Variants in SLC27A4 observed in about 807,000 individuals in gnomAD.
SLC27A4 encodes solute carrier family 27 member 4, also known as long-chain fatty acid transport protein 4.
SLC27A4 carries 33 observed loss-of-function variants against 64.4 expected under a neutral mutation model. The observed-to-expected ratio is 0.51, with a 90% confidence interval of 0.39 to 0.68. The LOEUF is 0.68. Ranked by LOEUF, SLC27A4 falls within the 30% of genes least tolerant of loss-of-function variation. SLC27A4 has a pLI of 0.00. For synonymous variants in SLC27A4, 377 were observed against 370.0 expected, an observed-to-expected ratio of 1.02 and a Z score of -0.22; for missense variants, 824 against 883.5, an observed-to-expected ratio of 0.93 and a Z score of 0.85.
At chr9:128,346,469 C>G (rs904189601) in intron 3 of SLC27A4, among the ~76,000 whole-genome samples, 2 of 146,808 alleles carry the variant, frequency 1.4e-5, no homozygotes, top group Admixed American at 6.9e-5. Context: ...TCCCTGACCT[C>G]GTGATCCACC....
chr9:128,354,790 AT>A, intron 9 of SLC27A4, among the ~76,000 whole-genome samples: 1 of 128,416 alleles, frequency 7.8e-6, no homozygotes, highest in East Asian at 2.0e-4. Flanking sequence ...TTACTAAAAA[AT>A]AAAAAAAAAA....
At chr9:128,350,943 A>G (rs1047198412) in intron 6 of SLC27A4, among the ~76,000 whole-genome samples, 1 of 152,164 alleles carries the variant, frequency 6.6e-6, no homozygotes, top group Admixed American at 6.5e-5. Context: ...AGTACAAAAA[A>G]TTAGCCAGGT....
At chr9:128,348,047 G>A (rs554008646) in intron 3 of SLC27A4, among the ~76,000 whole-genome samples, 2 of 152,272 alleles carry the variant, frequency 1.3e-5, no homozygotes, top group East Asian at 3.9e-4. Context: ...TGTGATGTCC[G>A]TGCAGTGCGC....
At chr9:128,354,974 A>AAT in intron 9 of SLC27A4, 79 bp from the exon 10 acceptor site, 1 of 1,224,348 alleles carries the variant, frequency 8.2e-7, no homozygotes, top group Non-Finnish European at 1.1e-6. Flanking sequence ...AAAAAAAAAA[A>AAT]GACGCAGGGT....
Position 128,343,356 on chromosome 9 carries a change from A to G in SLC27A4, c.161+63A>G, listed in dbSNP as rs1480465482. The G allele has an allele frequency of 1.3e-5, 20 of 1,595,212 alleles. 1 individual carries two copies. Among genetic ancestry groups the G allele is most frequent in the Admixed American group, 6.7e-5 (4 of 59,788 alleles). ...ACTACAGTGAGCTTCTGGTCCCCCA[A>G]ATCTCCCCAGGCCAGACCTCATGTT... On this transcript the variant is annotated intron_variant, in intron 2 of 12. Transcript: ENST00000300456.
chr9:128,355,074 G>T lies in SLC27A4; in HGVS notation c.1346G>T (p.Gly449Val), dbSNP rs756038092. Residue 449 changes from glycine (G) to valine (V), a missense_variant, in exon 10 of 13, where the codon GGC (glycine) becomes GTC (valine). Gly to Val is a moderately radical substitution (Grantham distance 109). Transcript: ENST00000300456. Reference sequence around the variant, plus strand: ...CCAGGTGAGCCGGGCCAGCTGGTGGGCCGCATCATCCAGAAAGACCCCCTG... The same window carrying T: ...CCAGGTGAGCCGGGCCAGCTGGTGGTCCGCATCATCCAGAAAGACCCCCTG... The part of the protein sequence containing the change: ...CQPGEPGQLV[G>V]RIIQKDPLRR... The T allele has an allele frequency of 2.5e-6, 4 of 1,610,960 alleles. No individual in the cohort carries two copies. The highest frequency in any genetic ancestry group is 3.4e-6 in the Non-Finnish European group (4 of 1,178,838).
intron 12 of SLC27A4, among the ~76,000 whole-genome samples, chr9:128,359,157 G>T (rs1832862739): frequency 1.3e-5 from 2 of 152,194 alleles, no homozygotes; most frequent in Middle Eastern, 3.2e-3. Flanking sequence ...ACCACCCTGA[G>T]CATCAGTCTT....
chr9:128,352,030 C>CAA (rs769698769), intron 6 of SLC27A4, among the ~76,000 whole-genome samples: 5 of 113,094 alleles, frequency 4.4e-5, no homozygotes, highest in Non-Finnish European at 7.6e-5. Flanking sequence ...ACTAAAAATA[C>CAA]AAAAAAAAAA....
intron 9 of SLC27A4, among the ~76,000 whole-genome samples, chr9:128,354,662 T>C (rs956084594): frequency 2.0e-5 from 3 of 151,364 alleles, no homozygotes; most frequent in African/African-American, 7.3e-5. Context: ...AGACACAGAG[T>C]ACAGGCTGGG....
Position 128,355,094 on chromosome 9 carries a change from C to G in SLC27A4, c.1366C>G (p.Pro456Ala). The change falls in exon 10 of 13, where the codon CCC becomes GCC. Residue 456 changes from proline (P) to alanine (A), a missense_variant. By Grantham distance (27) the Pro-to-Ala change is conservative. Transcript: ENST00000300456. ...GGTGGGCCGCATCATCCAGAAAGAC[C>G]CCCTGCGCCGCTTCGATGGCTACCT... The part of the protein sequence containing the change: ...QLVGRIIQKD[P>A]LRRFDGYLNQ... 1 of 1,612,902 alleles carries G rather than the reference C, an allele frequency of 6.2e-7. No individual in the cohort carries two copies. The highest frequency in any genetic ancestry group is 8.5e-7 in the Non-Finnish European group (1 of 1,179,550).
chr9:128,350,013 G>A (rs1340032869), intron 4 of SLC27A4, among the ~76,000 whole-genome samples: 1 of 152,188 alleles, frequency 6.6e-6, no homozygotes, highest in African/African-American at 2.4e-5. Flanking sequence ...AATTGCCTGT[G>A]TCCTCATCTG....
intron 7 of SLC27A4, 54 bp from the exon 8 acceptor site, chr9:128,352,971 T>G: frequency 6.8e-7 from 1 of 1,466,426 alleles, no homozygotes; most frequent in East Asian, 2.4e-5. Flanking sequence ...AGGAGAATCC[T>G]AGTGTAGTGA....
At chr9:128,348,178 G>T (rs1832685075) in intron 3 of SLC27A4, among the ~76,000 whole-genome samples, 1 of 152,106 alleles carries the variant, frequency 6.6e-6, no homozygotes, top group African/African-American at 2.4e-5. Flanking sequence ...TAGTGGGGGG[G>T]AGCCCAGACC....
intron 1 of SLC27A4, 39 bp from the exon 2 acceptor site, chr9:128,343,088 G>A (rs1423168915): frequency 1.6e-5 from 25 of 1,611,090 alleles, no homozygotes; most frequent in Non-Finnish European, 2.0e-5. Context: ...GACCTGGAGG[G>A]TTGGGTGTTT....
chr9:128,343,312 C>T lies in SLC27A4; in HGVS notation c.161+19C>T. 1 of 1,614,054 alleles carries T rather than the reference C, an allele frequency of 6.2e-7. No homozygotes were observed. The highest frequency in any genetic ancestry group is 2.2e-5 in the East Asian group (1 of 44,880). ...ATATCTTGTGAGTACCTGGCCCAGC[C>T]TTTCCTGGGGTCTGCCACACTACAG... On this transcript the variant is annotated intron_variant, in intron 2 of 12. Transcript: ENST00000300456.
At chr9:128,351,451 G>A (rs140864705) in intron 6 of SLC27A4, among the ~76,000 whole-genome samples, 1 of 151,924 alleles carries the variant, frequency 6.6e-6, no homozygotes, top group Non-Finnish European at 1.5e-5. Context: ...TAGGCTGGGC[G>A]CAGTGGCTCA....
intron 12 of SLC27A4, among the ~76,000 whole-genome samples, chr9:128,357,944 G>A (rs1832844354): frequency 6.6e-6 from 1 of 152,194 alleles, no homozygotes; most frequent in Admixed American, 6.5e-5. Flanking sequence ...CTGTGGCCAG[G>A]CTAATGGCCA....
intron 2 of SLC27A4, 48 bp downstream of exon 2, chr9:128,343,341 G>A: frequency 1.9e-6 from 3 of 1,609,324 alleles, no homozygotes; most frequent in Non-Finnish European, 2.6e-6. Context: ...ACTACAGTGA[G>A]CTTCTGGTCC....
intron 1 of SLC27A4, among the ~76,000 whole-genome samples, chr9:128,341,043 G>T (rs1832563102): frequency 6.6e-6 from 1 of 152,240 alleles, no homozygotes; most frequent in Non-Finnish European, 1.5e-5. Context: ...CCCTCTTCTG[G>T]CCTCTTCTTG....
Sources: allele counts gnomAD v4.1 joint callset (sites outside exome capture counted in the v4.1 genomes callset), GRCh38; gene constraint gnomAD v4.1.1; transcripts MANE v1.5; gene names NCBI Gene and HGNC (gene_info 2026-07-23, HGNC 2026-07-21).